The following COL22A1 variants were observed in gnomAD, a reference collection of about 807,000 sequenced individuals.
COL22A1 encodes collagen type XXII alpha 1 chain, also known as collagen alpha-1(XXII) chain.
COL22A1 carries 221 observed loss-of-function variants against 248.9 expected under a neutral mutation model. The observed-to-expected ratio is 0.89, with a 90% CI of 0.80 to 0.99. The LOEUF (loss-of-function observed/expected upper bound fraction) is 0.99. COL22A1 is among the 50% of genes least tolerant of loss of function. The pLI, the probability that COL22A1 is intolerant of heterozygous loss-of-function variation, is 0.00. For synonymous variants in COL22A1, 891 were observed against 793.4 expected (o/e 1.12, Z -2.07); for missense variants, 2,240 against 2,179.0 (o/e 1.03, Z -0.56).
At chr8:138,675,592 T>C (rs1825443451) in intron 41 of COL22A1, among the ~76,000 whole-genome samples, 1 of 152,220 alleles carries the variant, frequency 6.6e-6, no homozygotes, top group Non-Finnish European at 1.5e-5. Flanking sequence ...TTTGAGCTTC[T>C]TTTAAACAAT....
At chr8:138,859,681 C>G (rs541767107) in intron 3 of COL22A1, among the ~76,000 whole-genome samples, 3 of 152,188 alleles carry the variant, frequency 2.0e-5, no homozygotes, top group Admixed American at 6.5e-5. Flanking sequence ...CACTTACTCT[C>G]CTCCTTCCAG....
intron 16 of COL22A1, among the ~76,000 whole-genome samples, chr8:138,775,061 T>A (rs375432773): frequency 6.6e-5 from 10 of 152,248 alleles, no homozygotes; most frequent in African/African-American, 2.4e-4. Flanking sequence ...TAAATTAAGG[T>A]TGAAGAACAA....
intron 16 of COL22A1, among the ~76,000 whole-genome samples, chr8:138,772,700 A>C (rs1834478123): frequency 6.6e-6 from 1 of 152,204 alleles, no homozygotes; most frequent in Non-Finnish European, 1.5e-5. Context: ...AAATACTTAA[A>C]ACATAGTTTT....
chr8:138,729,551 A>AAGCTGGAAGC (rs1299756811), intron 23 of COL22A1, among the ~76,000 whole-genome samples: 7 of 152,126 alleles, frequency 4.6e-5, no homozygotes, highest in Admixed American at 1.3e-4. Context: ...AGAGAGAGAG[A>AAGCTGGAAGC]AGCTGGAAGC....
At chr8:138,889,501 G>C (rs1380305361) in intron 1 of COL22A1, among the ~76,000 whole-genome samples, 1 of 152,088 alleles carries the variant, frequency 6.6e-6, no homozygotes, top group African/African-American at 2.4e-5. Flanking sequence ...CTCATAGATG[G>C]GAATTGAACA....
intron 45 of COL22A1, 22 bp from the exon 46 acceptor site, chr8:138,649,800 G>A (rs747975757): frequency 3.5e-6 from 5 of 1,435,844 alleles, no homozygotes; most frequent in East Asian, 2.4e-5. Flanking sequence ...GAGAGAGGTG[G>A]GGACAAAGAG....
intron 2 of COL22A1, among the ~76,000 whole-genome samples, chr8:138,880,106 A>G (rs544784862): frequency 1.1e-3 from 173 of 152,372 alleles, no homozygotes; most frequent in African/African-American, 4.0e-3. Flanking sequence ...AAAGAAATTC[A>G]CAGCAACATG....
At chr8:138,827,449 C>T (rs1032730486) in intron 5 of COL22A1, 14 of 153,380 alleles carry the variant, frequency 9.1e-5, no homozygotes, top group Admixed American at 6.4e-4. Flanking sequence ...ACTTCCCAGC[C>T]TGCAGAACTG....
chr8:138,605,806 C>T lies in COL22A1; in HGVS notation c.4104+575G>A, dbSNP rs185356062. 7.9e-5 allele frequency among the ~76,000 whole-genome samples: 12 copies of T among 152,288 alleles called. No individual in the cohort carries two copies. In the East Asian group the frequency reaches 2.1e-3, roughly 27 times the overall value. On this transcript the variant is annotated intron_variant, in intron 58 of 64. Transcript: ENST00000303045. Reference sequence around the variant, plus strand: ...GGCAAAGATTACCTTACAGCTTCCCCCTGCCTTAAGCTGTCAAGTCAGGAG... The same window carrying T: ...GGCAAAGATTACCTTACAGCTTCCCTCTGCCTTAAGCTGTCAAGTCAGGAG...
intron 25 of COL22A1, chr8:138,722,317 TTTCAG>T: frequency 1.8e-6 from 1 of 556,422 alleles, no homozygotes; most frequent in Non-Finnish European, 3.2e-6. Flanking sequence ...AATGTCTGAT[TTTCAG>T]TACACTGGCC....
Position 138,763,642 on chromosome 8 carries a change from A to G in COL22A1, c.1804-1176T>C, listed in dbSNP as rs1014184957. On this transcript the variant is annotated intron_variant, in intron 16 of 64. Transcript: ENST00000303045. ...AAATGGTGGGTTCAGGCTCATCTGAACAGTCTCCCACCTGCACCCCAGCAG... is the reference window on the plus strand; with the variant it reads ...AAATGGTGGGTTCAGGCTCATCTGAGCAGTCTCCCACCTGCACCCCAGCAG... 5.9e-5 allele frequency among the ~76,000 whole-genome samples: 9 copies of G among 152,082 alleles called. No individual in the cohort carries two copies. The East Asian group carries it at 1.7e-3, about 29-fold the overall frequency.
intron 3 of COL22A1, among the ~76,000 whole-genome samples, chr8:138,869,516 C>G (rs535584030): frequency 2.6e-5 from 4 of 152,116 alleles, no homozygotes; most frequent in Admixed American, 6.5e-5. Flanking sequence ...AGTGACCCAA[C>G]GGTTCCAGGG....
At chr8:138,653,671 T>C (rs1489011844) in intron 45 of COL22A1, among the ~76,000 whole-genome samples, 1 of 152,154 alleles carries the variant, frequency 6.6e-6, no homozygotes, top group Non-Finnish European at 1.5e-5. Flanking sequence ...CAGTCAGTTC[T>C]CCAACTACCA....
intron 3 of COL22A1, among the ~76,000 whole-genome samples, chr8:138,865,377 C>T (rs894711239): frequency 5.3e-5 from 8 of 151,846 alleles, no homozygotes; most frequent in Non-Finnish European, 1.2e-4. Context: ...TGTTTGTATG[C>T]CTGTGTGTGA....
chr8:138,723,587 G>A (rs1830068958), intron 25 of COL22A1, among the ~76,000 whole-genome samples: 1 of 152,244 alleles, frequency 6.6e-6, no homozygotes, highest in Non-Finnish European at 1.5e-5. Flanking sequence ...GATTGCTCAT[G>A]TGTTTGAGCT....
At chr8:138,894,531 T>C (rs1382853773) in intron 1 of COL22A1, among the ~76,000 whole-genome samples, 5 of 152,166 alleles carry the variant, frequency 3.3e-5, no homozygotes, top group Non-Finnish European at 5.9e-5. Context: ...CTGGAAATAC[T>C]GAGGTAAATT....
rs369592611 is a variant in COL22A1 at position 138,873,023 on chromosome 8, T to C, written c.658+4727A>G. On this transcript the variant is annotated intron_variant, in intron 3 of 64. Coordinates refer to ENST00000303045, the MANE Select transcript of COL22A1 (RefSeq NM_152888.3). ...CACCAGGTATGAGCCACATCTGTTC[T>C]AGACACTGGGTAGGGTTTGATAATT... Among the ~76,000 whole-genome samples the C allele has an allele frequency of 2.8e-4, 43 of 152,350 alleles. No individual in the cohort carries two copies. In the East Asian group the frequency reaches 7.1e-3, roughly 25 times the overall value.
At chr8:138,652,734 G>GTTTTTTTTTTTTTTTTTTTTTTTTT (rs1564146836) in intron 45 of COL22A1, among the ~76,000 whole-genome samples, 1 of 45,876 alleles carries the variant, frequency 2.2e-5, no homozygotes, top group African/African-American at 4.6e-5. Context: ...TTCCTTTTCT[G>GTTTTTTTTTTTTTTTTTTTTTTTTT]GTTTTTTTTT....
intron 21 of COL22A1, among the ~76,000 whole-genome samples, chr8:138,752,772 A>T (rs566419675): frequency 6.6e-6 from 1 of 152,324 alleles, no homozygotes; most frequent in East Asian, 1.9e-4. Flanking sequence ...CTGAACACAA[A>T]CTCAAAATTT....
Sources: gnomAD v4.1 joint callset for allele counts (sites outside exome capture counted in the v4.1 genomes callset) on GRCh38, gnomAD v4.1.1 for gene constraint, MANE v1.5 for transcripts, NCBI Gene and HGNC (gene_info 2026-07-23, HGNC 2026-07-21) for gene names.